The following ACOT11 variants were observed in gnomAD, a reference collection of about 807,000 sequenced individuals.
ACOT11 encodes the protein acyl-CoA thioesterase 11.
ACOT11 carries 69 observed loss-of-function variants against 77.5 expected under a neutral mutation model. The observed-to-expected ratio is 0.89, with a 90% CI of 0.73 to 1.09. The LOEUF is 1.09. Ranked by LOEUF, ACOT11 falls within the 50% of genes least tolerant of loss-of-function variation. The probability of loss-of-function intolerance (pLI) is 0.00; values close to 1 mark genes in which losing one functional copy is unlikely to be tolerated. For missense variants in ACOT11, 766 were observed against 813.7 expected, an observed-to-expected ratio of 0.94 and a Z score of 0.71; for synonymous variants, 279 against 313.0, an observed-to-expected ratio of 0.89 and a Z score of 1.15.
rs779194676 is a variant in ACOT11, at chr1:54,609,678, C to A, written c.*566C>A. 11 of 1,614,042 alleles carry A rather than the reference C, an allele frequency of 6.8e-6. No individual in the cohort carries two copies. Among genetic ancestry groups the A allele is most frequent in the South Asian group, 1.1e-5 (1 of 91,086 alleles). ...ACATGGCCGGGGACCGAAAAACTCC[C>A]GTGGGAGATTTTGGCCCCAACCCAC... On this transcript the variant is annotated 3_prime_UTR_variant, in exon 16 of 16. Transcript: ENST00000343744.
intron 3 of ACOT11, among the ~76,000 whole-genome samples, chr1:54,591,415 C>T (rs1654707168): frequency 6.6e-6 from 1 of 152,178 alleles, no homozygotes; most frequent in Non-Finnish European, 1.5e-5. Context: ...GAACCCAGGC[C>T]TGTGTGGCCA....
At chr1:54,572,575 G>C (rs548708954) in intron 1 of ACOT11, among the ~76,000 whole-genome samples, 13 of 152,186 alleles carry the variant, frequency 8.5e-5, no homozygotes, top group Non-Finnish European at 1.9e-4. Flanking sequence ...CCTGAGGGGG[G>C]GGGTCACACG....
At chr1:54,627,940 G>A (rs1644280784) in intron 15 of ACOT11, among the ~76,000 whole-genome samples, 1 of 133,102 alleles carries the variant, frequency 7.5e-6, no homozygotes, top group Admixed American at 7.8e-5. Flanking sequence ...GAGGCGGAGG[G>A]GGAGAGAAAT....
chr1:54,608,183 TCCCCCTTCCA>T, intron 15 of ACOT11, 115 bp downstream of exon 15: 1 of 995,612 alleles, frequency 1.0e-6, no homozygotes. Context: ...CCCAGCAGGC[TCCCCCTTCCA>T]GCCTGGGGGA....
chr1:54,560,066 G>A (rs576885613), intron 1 of ACOT11, among the ~76,000 whole-genome samples: 5 of 152,322 alleles, frequency 3.3e-5, no homozygotes, highest in African/African-American at 1.2e-4. Context: ...TGACATTGGG[G>A]CAGTGACGGA....
chr1:54,630,864 G>A (rs146331424), exon 16 of ACOT11: 79 of 758,412 alleles, frequency 1.0e-4, no homozygotes, highest in Non-Finnish European at 1.6e-4. Context: ...GGACACCTGA[G>A]TACTCTTAAA....
chr1:54,621,888 G>C (rs2101026672), intron 15 of ACOT11: 1 of 152,468 alleles, frequency 6.6e-6, no homozygotes, highest in South Asian at 2.1e-4. Flanking sequence ...CTGAGTTTGA[G>C]ATTGCTTGTG....
rs1054222321 is a variant in ACOT11 at position 54,607,554 on chromosome 1, C to T, written c.1502+289C>T. ...CAGGCCTTGGGCAGGATATTTCTCACGTGGCCACCTCCTTGGCCTCCTCCC... is the reference window on the plus strand; with the variant it reads ...CAGGCCTTGGGCAGGATATTTCTCATGTGGCCACCTCCTTGGCCTCCTCCC... On this transcript the variant is annotated intron_variant, in intron 14 of 15. Transcript: ENST00000343744. This position sits in a 1 kb window ranked among gnomAD's most constrained non-coding sequence, Gnocchi z 4.5. Among the ~76,000 whole-genome samples, 9 of 152,156 alleles carry T rather than the reference C, an allele frequency of 5.9e-5. No homozygotes were observed. The highest frequency in any genetic ancestry group is 1.9e-4 in the African/African-American group (8 of 41,446).
chr1:54,601,102 TATGTGTGTGCATAC>T (rs1643956246), intron 8 of ACOT11, among the ~76,000 whole-genome samples, 153 bp from the exon 9 acceptor site: 1 of 151,440 alleles, frequency 6.6e-6, no homozygotes, highest in Admixed American at 6.6e-5. Flanking sequence ...CATGTGTGTG[TATGTGTGTGCATAC>T]ATGTGTGTGT....
intron 11 of ACOT11, 107 bp from the exon 12 acceptor site, chr1:54,604,239 C>A: frequency 1.9e-6 from 2 of 1,045,244 alleles, no homozygotes. Context: ...CCACCCACCG[C>A]CCAACCCATT....
In ACOT11 at chr1:54,607,084, C is replaced by T; in HGVS notation, c.1371-50C>T. ...AGGGCCCGGGCAGACCCGCTGCTTGCATGGGAGCTGGAAGCTTCCTGGGGC... is the reference window on the plus strand; with the variant it reads ...AGGGCCCGGGCAGACCCGCTGCTTGTATGGGAGCTGGAAGCTTCCTGGGGC... On this transcript the variant is annotated intron_variant, in intron 13 of 15. Coordinates refer to ENST00000343744, the MANE Select transcript of ACOT11 (RefSeq NM_147161.4). This position sits in a 1 kb window ranked among gnomAD's most constrained non-coding sequence, Gnocchi z 4.5. 6.2e-7 allele frequency: 1 copy of T among 1,610,626 alleles called. No individual in the cohort carries two copies. Among genetic ancestry groups the T allele is most frequent in the South Asian group, 1.1e-5 (1 of 90,824 alleles).
downstream of ACOT11, among the ~76,000 whole-genome samples, chr1:54,615,052 A>G (rs1240398654): frequency 2.7e-5 from 4 of 149,006 alleles, no homozygotes; most frequent in Admixed American, 2.7e-4. Flanking sequence ...GAGCTAACTC[A>G]GAGAAGAAGG....
chr1:54,603,614 G>A (rs3750149), intron 10 of ACOT11, among the ~76,000 whole-genome samples: 7,144 of 152,196 alleles, frequency 0.047, 284 homozygotes, highest in East Asian at 0.17. Context: ...GGTATGGGGT[G>A]TGGGAATCGA....
At chr1:54,579,995 A>AG (rs1654247012) in intron 1 of ACOT11, among the ~76,000 whole-genome samples, 1 of 152,230 alleles carries the variant, frequency 6.6e-6, no homozygotes, top group South Asian at 2.1e-4. Context: ...GCTAATAGTA[A>AG]GCACTCAATA....
At chr1:54,579,206 T>A (rs1208882324) in intron 1 of ACOT11, among the ~76,000 whole-genome samples, 3 of 151,544 alleles carry the variant, frequency 2.0e-5, no homozygotes, top group Non-Finnish European at 4.4e-5. Flanking sequence ...ATTTTACCCA[T>A]GAGTTTGCTG....
intron 1 of ACOT11, among the ~76,000 whole-genome samples, chr1:54,573,846 A>G (rs991505820): frequency 6.6e-6 from 1 of 152,112 alleles, no homozygotes; most frequent in African/African-American, 2.4e-5. Context: ...CCTGATGAAC[A>G]TGGTGAAAAC....
intron 1 of ACOT11, among the ~76,000 whole-genome samples, chr1:54,577,331 A>T (rs1365436825): frequency 6.6e-6 from 1 of 152,022 alleles, no homozygotes; most frequent in African/African-American, 2.4e-5. Context: ...CCCGGCAACC[A>T]CCAATCAGCT....
chr1:54,587,005 A>G (rs1030096769), intron 3 of ACOT11, among the ~76,000 whole-genome samples: 2 of 152,168 alleles, frequency 1.3e-5, no homozygotes, highest in African/African-American at 2.4e-5. Context: ...CCATTAAGGA[A>G]GAAGATTGGC....
In ACOT11 at chr1:54,584,959, C is replaced by A; in HGVS notation, c.241+97C>A. ...GTCACCGTCCACCCTAAGTGCCACACTTGTTTCTCATCTTGGCCTTTGCTC... is the reference window on the plus strand; with the variant it reads ...GTCACCGTCCACCCTAAGTGCCACAATTGTTTCTCATCTTGGCCTTTGCTC... On this transcript the variant is annotated intron_variant, in intron 2 of 15. Transcript: ENST00000343744. The surrounding 1 kb of genome is among the most constrained non-coding windows in gnomAD (Gnocchi z 6.3). 2 of 1,302,898 alleles carry A rather than the reference C, an allele frequency of 1.5e-6. No homozygotes were observed. The highest frequency in any genetic ancestry group is 1.4e-5 in the South Asian group (1 of 70,758). 80.7% of individuals were successfully genotyped at this position (1,302,898 alleles called of 1,614,324 possible).
Sources: allele counts gnomAD v4.1 joint callset (sites outside exome capture counted in the v4.1 genomes callset), GRCh38; gene constraint gnomAD v4.1.1; non-coding constraint Gnocchi (gnomAD v3.1); transcripts MANE v1.5; gene names NCBI Gene and HGNC (gene_info 2026-07-23, HGNC 2026-07-21).